CCDC178: variants seen among roughly 807,000 people sequenced by gnomAD.
CCDC178 encodes the protein coiled-coil domain-containing protein 178.
A neutral mutation model predicts 117.4 loss-of-function variants in CCDC178; 126 were observed. The observed-to-expected ratio is 1.07, with a 90% CI of 0.93 to 1.24. CCDC178 has a LOEUF of 1.24. Ranked by LOEUF, CCDC178 falls within the 50% of genes most tolerant of loss-of-function variation. The probability of loss-of-function intolerance (pLI) is 0.00; values close to 1 mark genes in which losing one functional copy is unlikely to be tolerated. For missense variants in CCDC178, 1,030 were observed against 986.9 expected, an observed-to-expected ratio of 1.04 and a Z score of -0.59; for synonymous variants, 283 against 313.4, an observed-to-expected ratio of 0.90 and a Z score of 1.02.
chr18:33,328,083 A>ATTTTTTTTTTTTTTTTTTTTTTTTT (rs771034112), intron 10 of CCDC178: 1 of 89,374 alleles, frequency 1.1e-5, no homozygotes, highest in Non-Finnish European at 1.9e-5. Flanking sequence ...TTATCCCTAG[A>ATTTTTTTTTTTTTTTTTTTTTTTTT]TTTTTTTTTT....
chr18:32,978,065 T>C (rs2055064483), intron 21 of CCDC178, among the ~76,000 whole-genome samples: 1 of 152,164 alleles, frequency 6.6e-6, no homozygotes, highest in South Asian at 2.1e-4. Flanking sequence ...GCAGTGTCTG[T>C]TTTTATTCAG....
At chr18:33,298,213 T>C (rs1272643791) in intron 11 of CCDC178, among the ~76,000 whole-genome samples, 1 of 152,072 alleles carries the variant, frequency 6.6e-6, no homozygotes, top group Non-Finnish European at 1.5e-5. Context: ...TGAACATAGA[T>C]AGAAACATCT....
At chr18:33,266,731 T>C (rs1347354459) in intron 14 of CCDC178, among the ~76,000 whole-genome samples, 185 bp downstream of exon 14, 2 of 151,598 alleles carry the variant, frequency 1.3e-5, no homozygotes, top group Non-Finnish European at 2.9e-5. Flanking sequence ...ACATGGCACA[T>C]GTATTCTGAC....
In CCDC178 at chr18:33,031,325, T is replaced by C. The variant is rs151142685; in HGVS notation, c.2389-56644A>G. On this transcript the variant is annotated intron_variant, in intron 21 of 22. Transcript: ENST00000383096. ...TCACAGGCACAATTATAGCACTTCA[T>C]AGCCTTAAACTCCTGGCCTCAAATA... Among the ~76,000 whole-genome samples, 608 of 151,336 alleles carry C rather than the reference T, an allele frequency of 4.0e-3. 3 individuals are homozygous for C. The highest frequency in any genetic ancestry group is 0.014 in the Middle Eastern group (4 of 294).
chr18:32,995,306 G>A (rs576036826), intron 21 of CCDC178, among the ~76,000 whole-genome samples: 3 of 152,228 alleles, frequency 2.0e-5, no homozygotes, highest in Admixed American at 6.5e-5. Flanking sequence ...TGTTATTTAA[G>A]TTTATGGAGT....
intron 20 of CCDC178, among the ~76,000 whole-genome samples, chr18:33,098,535 G>C (rs2057577653): frequency 6.6e-6 from 1 of 151,954 alleles, no homozygotes; most frequent in Admixed American, 6.6e-5. Context: ...ACTGCAGACA[G>C]CTCCTTGCTT....
intron 16 of CCDC178, 97 bp from the exon 17 acceptor site, chr18:33,225,033 G>A (rs2059286060): frequency 1.3e-6 from 1 of 793,010 alleles, no homozygotes. Context: ...GTTTTTATTT[G>A]AAAATCAAAT....
At chr18:33,320,319 G>A (rs981541873) in intron 11 of CCDC178, among the ~76,000 whole-genome samples, 6 of 152,158 alleles carry the variant, frequency 3.9e-5, no homozygotes, top group Non-Finnish European at 5.9e-5. Flanking sequence ...GTTTGCAGAC[G>A]ACATGATTGT....
intron 20 of CCDC178, among the ~76,000 whole-genome samples, chr18:33,094,949 A>T (rs2057521367): frequency 2.0e-5 from 3 of 151,948 alleles, no homozygotes; most frequent in African/African-American, 7.2e-5. Context: ...ATTAATTTTA[A>T]ATAATAGTAT....
At chr18:32,963,770 C>T (rs1344747228) in intron 22 of CCDC178, among the ~76,000 whole-genome samples, 1 of 151,972 alleles carries the variant, frequency 6.6e-6, no homozygotes, top group Admixed American at 6.6e-5. Context: ...TTGTGTCTAC[C>T]TCCTCTATGA....
chr18:33,030,776 G>C (rs2056325869), intron 21 of CCDC178, among the ~76,000 whole-genome samples: 1 of 152,088 alleles, frequency 6.6e-6, no homozygotes, highest in African/African-American at 2.4e-5. Context: ...ATGACAGATA[G>C]ATAAGAAGAT....
At chr18:33,336,098 A>G (rs1199647293) in intron 9 of CCDC178, among the ~76,000 whole-genome samples, 1 of 152,130 alleles carries the variant, frequency 6.6e-6, no homozygotes, top group African/African-American at 2.4e-5. Flanking sequence ...TCAAAAATCT[A>G]TTTGAGATTA....
intron 21 of CCDC178, among the ~76,000 whole-genome samples, chr18:33,045,685 C>G (rs1425337203): frequency 6.6e-6 from 1 of 152,166 alleles, no homozygotes; most frequent in Admixed American, 6.6e-5. Context: ...CTCATTTCCT[C>G]TAATGAAAAT....
intron 11 of CCDC178, among the ~76,000 whole-genome samples, chr18:33,298,764 C>G (rs2062139467): frequency 6.6e-6 from 1 of 152,080 alleles, no homozygotes; most frequent in Non-Finnish European, 1.5e-5. Flanking sequence ...ATGCTTAGAA[C>G]TGATAAATGA....
At chr18:33,398,532 T>C (rs963972806) in intron 3 of CCDC178, among the ~76,000 whole-genome samples, 1 of 152,178 alleles carries the variant, frequency 6.6e-6, no homozygotes, top group Non-Finnish European at 1.5e-5. Context: ...TTATGATGTC[T>C]CTCTCCTTCA....
intron 20 of CCDC178, among the ~76,000 whole-genome samples, chr18:33,108,421 T>C (rs2057736702): frequency 2.0e-5 from 3 of 151,648 alleles, no homozygotes; most frequent in African/African-American, 7.2e-5. Flanking sequence ...CCCGACTGTA[T>C]CTTTGGGAAT....
intron 21 of CCDC178, among the ~76,000 whole-genome samples, chr18:33,055,813 T>TG (rs2056820374): frequency 6.6e-6 from 1 of 151,904 alleles, no homozygotes; most frequent in East Asian, 1.9e-4. Context: ...GATAATTTTT[T>TG]TTTTTTTTTG....
intron 20 of CCDC178, among the ~76,000 whole-genome samples, chr18:33,162,695 G>C (rs1474383425): frequency 6.6e-6 from 1 of 152,116 alleles, no homozygotes; most frequent in Non-Finnish European, 1.5e-5. Flanking sequence ...TTAGTTTTCT[G>C]TTCCTGCATT....
intron 20 of CCDC178, among the ~76,000 whole-genome samples, chr18:33,208,265 G>A (rs936514340): frequency 1.3e-5 from 2 of 152,036 alleles, no homozygotes; most frequent in African/African-American, 4.8e-5. Flanking sequence ...TTGTCATTAA[G>A]GCAAATAACT....
Sources: gnomAD v4.1 joint callset for allele counts (sites outside exome capture counted in the v4.1 genomes callset) on GRCh38, gnomAD v4.1.1 for gene constraint, MANE v1.5 for transcripts, NCBI Gene and HGNC (gene_info 2026-07-23, HGNC 2026-07-21) for gene names.